Variants in KCNK16 observed in about 807,000 individuals in gnomAD.
KCNK16 encodes potassium channel subfamily K member 16.
A neutral mutation model predicts 23.0 loss-of-function variants in KCNK16; 23 were observed. That is an observed-to-expected ratio of 1.00 (90% CI 0.72 to 1.41). The LOEUF is 1.41. Among genes scored for constraint, KCNK16 ranks in the 40% most tolerant of loss-of-function variants. The pLI, the probability that KCNK16 is intolerant of heterozygous loss-of-function variation, is 0.00. For synonymous variants in KCNK16, 145 were observed against 153.5 expected, an observed-to-expected ratio of 0.94 and a Z score of 0.41; for missense variants, 327 against 365.8, an observed-to-expected ratio of 0.89 and a Z score of 0.87.
rs1762429512 is a variant in KCNK16, at chr6:39,319,199, A to G, written c.214-66T>C. Reference sequence around the variant, plus strand: ...TGGTTACTGGGCACCAGTTGTTGCCATGCTTTTGGCAGCATGCTTTTGTGT... The same window carrying G: ...TGGTTACTGGGCACCAGTTGTTGCCGTGCTTTTGGCAGCATGCTTTTGTGT... On this transcript the variant is annotated intron_variant, in intron 1 of 4. Coordinates refer to ENST00000437525, the MANE Select transcript of KCNK16 (RefSeq NM_001135106.2). This position sits in a 1 kb window ranked among gnomAD's most constrained non-coding sequence, Gnocchi z 4.2. 1.1e-6 allele frequency: 1 copy of G among 898,150 alleles called. No homozygotes were observed. The highest frequency in any genetic ancestry group is 1.9e-6 in the Non-Finnish European group (1 of 533,220). The allele number at this position is 898,150 out of a possible 1,614,324, so 55.6% of individuals were successfully genotyped here. A position where few individuals can be genotyped will look rare whatever the true frequency, so the allele number is the denominator to read the frequency against.
In KCNK16 at chr6:39,316,250, G is replaced by C. The variant is rs1762305443; in HGVS notation, c.854C>G (p.Pro285Arg). Residue 285 changes from proline (P) to arginine (R), a missense_variant, in exon 5 of 5, where the codon CCC (proline) becomes CGC (arginine). Pro to Arg is a moderately radical substitution (Grantham distance 103). Coordinates refer to ENST00000437525, the MANE Select transcript of KCNK16 (RefSeq NM_001135106.2). ...DGAASDPSGL[P>R]RPQKIPISA is the part of the protein sequence containing the mutation. The stretch of plus-strand genomic sequence containing the variant: ...AGAGATGGGGATCTTCTGAGGCCTG[G>C]GGAGCCCACTGGGGTCAGAGGCTGC... 1 of 1,565,014 alleles carries C rather than the reference G, an allele frequency of 6.4e-7. No homozygotes were observed. Among genetic ancestry groups the C allele is most frequent in the Admixed American group, 1.9e-5 (1 of 52,408 alleles).
chr6:39,317,009 G>C lies in KCNK16; in HGVS notation c.496-62C>G, dbSNP rs1482616896. ...AAGTCTCCAGGATTGTATGAGGTTG[G>C]GGGGAGTCTGGGGTAAACATGGGAA... On this transcript the variant is annotated intron_variant, in intron 3 of 4. Coordinates refer to ENST00000437525, the MANE Select transcript of KCNK16 (RefSeq NM_001135106.2). 4.6e-6 allele frequency: 7 copies of C among 1,508,242 alleles called. No individual in the cohort carries two copies. The East Asian group carries it at 6.8e-5, about 15-fold the overall frequency. 93.4% of individuals were successfully genotyped at this position (1,508,242 alleles called of 1,614,324 possible).
Position 39,317,880 on chromosome 6 carries a change from G to A in KCNK16, c.401C>T (p.Pro134Leu), listed in dbSNP as rs746348417. 6.2e-6 allele frequency: 10 copies of A among 1,613,772 alleles called. No homozygotes were observed. Among genetic ancestry groups the A allele is most frequent in the South Asian group, 5.5e-5 (5 of 91,020 alleles). Residue 134 changes from proline (P) to leucine (L), a missense_variant, in exon 3 of 5, where the codon CCG becomes CTG. Physicochemically the swap from Pro to Leu is moderately conservative, Grantham distance 98. Coordinates refer to ENST00000437525, the MANE Select transcript of KCNK16 (RefSeq NM_001135106.2). ...GTGGTTGAGGAAGATCACGTTAAGC[G>A]GGATGCCCAACAGGGCATAGAAGAC... is the stretch of plus-strand genomic sequence containing the variant. ...FCVFYALLGI[P>L]LNVIFLNHLG...
intron 3 of KCNK16, 123 bp downstream of exon 3, chr6:39,317,663 T>G: frequency 9.0e-7 from 1 of 1,115,502 alleles, no homozygotes; most frequent in Non-Finnish European, 1.2e-6. Flanking sequence ...TCACCCTTCC[T>G]CTTTCACAGG....
chr6:39,320,085 G>A (rs578021608), intron 1 of KCNK16, among the ~76,000 whole-genome samples: 15 of 152,236 alleles, frequency 9.9e-5, no homozygotes, highest in African/African-American at 3.6e-4. Context: ...AGGAAGCCAG[G>A]GACACAACAG....
rs61751240 is a variant in KCNK16, at chr6:39,319,044, A to G, written c.303T>C (p.Phe101=). 43,898 of 1,613,330 alleles carry G rather than the reference A, an allele frequency of 0.027. 696 individuals carry two copies. Among genetic ancestry groups the G allele is most frequent in the Non-Finnish European group, 0.028 (33,123 of 1,179,304 alleles). ...CTATGGTAGTGACGACTGTGCCTGCAAAGAAGAAACTGCTGCCAAAGTCCC... is the reference window on the plus strand; with the variant it reads ...CTATGGTAGTGACGACTGTGCCTGCGAAGAAGAAACTGCTGCCAAAGTCCC... ...SNWDFGSSFF[F]AGTVVTTIGY... Residue 101 remains phenylalanine, a synonymous_variant, in exon 2 of 5, where the codon TTT becomes TTC. Transcript: ENST00000437525. This position sits in a 1 kb window ranked among gnomAD's most constrained non-coding sequence, Gnocchi z 4.2.
At chr6:39,317,681 C>A in intron 3 of KCNK16, 105 bp downstream of exon 3, 1 of 1,287,820 alleles carries the variant, frequency 7.8e-7, no homozygotes, top group Non-Finnish European at 1.1e-6. Context: ...AGGCATCTAC[C>A]CCTAACACCA....
At chr6:39,320,138 G>C (rs1301637823) in intron 1 of KCNK16, among the ~76,000 whole-genome samples, 1 of 152,174 alleles carries the variant, frequency 6.6e-6, no homozygotes, top group Non-Finnish European at 1.5e-5. Context: ...CCGCTGGCTG[G>C]GTGGGTGTGC....
At chr6:39,318,923 C>T in intron 2 of KCNK16, 96 bp downstream of exon 2, 1 of 836,450 alleles carries the variant, frequency 1.2e-6, no homozygotes, top group South Asian at 1.4e-5. Flanking sequence ...GAATAATCTC[C>T]TAGACAAACC....
intron 1 of KCNK16, among the ~76,000 whole-genome samples, chr6:39,320,055 C>T (rs1364881669): frequency 3.9e-5 from 6 of 152,120 alleles, no homozygotes; most frequent in East Asian, 1.9e-4. Flanking sequence ...GCCTTGCCAC[C>T]GAAGAGCCCC....
chr6:39,322,721 T>A, upstream of KCNK16: 1 of 975,050 alleles, frequency 1.0e-6, no homozygotes, highest in Non-Finnish European at 1.5e-6. Context: ...TTGGCTGCAC[T>A]AAGTGCTATG....
In KCNK16 at chr6:39,317,811, C is replaced by A. The variant is rs1211475035; in HGVS notation, c.470G>T (p.Trp157Leu). The A allele has an allele frequency of 6.2e-7, 1 of 1,608,986 alleles. No individual in the cohort carries two copies. The highest frequency in any genetic ancestry group is 1.7e-5 in the Admixed American group (1 of 59,040). Reference sequence around the variant, plus strand: ...CTGGGAGCGCCTGGGACGGTCCTCCCATCTTTCAATGGCGGCCAGATGGGC... The same window carrying A: ...CTGGGAGCGCCTGGGACGGTCCTCCAATCTTTCAATGGCGGCCAGATGGGC... ...LRAHLAAIER[W>L]EDRPRRSQVL... Residue 157 changes from tryptophan to leucine, a missense_variant, in exon 3 of 5, where the codon TGG becomes TTG. By Grantham distance (61) the Trp-to-Leu change is moderately conservative. Transcript: ENST00000437525.
At chr6:39,318,512 T>C (rs1762405703) in intron 2 of KCNK16, among the ~76,000 whole-genome samples, 1 of 152,156 alleles carries the variant, frequency 6.6e-6, no homozygotes, top group South Asian at 2.1e-4. Flanking sequence ...CTGCTGTCAG[T>C]GCCCTGTTCC....
intron 1 of KCNK16, among the ~76,000 whole-genome samples, chr6:39,321,161 G>A (rs1762503304): frequency 6.6e-6 from 1 of 152,184 alleles, no homozygotes; most frequent in Non-Finnish European, 1.5e-5. Flanking sequence ...TCCTGAGTCG[G>A]CAGGTGCGGA....
chr6:39,317,820 A>T lies in KCNK16; in HGVS notation c.461T>A (p.Ile154Asn). The T allele has an allele frequency of 1.9e-6, 3 of 1,610,440 alleles. No individual in the cohort carries two copies. Among genetic ancestry groups the T allele is most frequent in the Non-Finnish European group, 2.5e-6 (3 of 1,178,518 alleles). Residue 154 changes from isoleucine (I) to asparagine (N), a missense_variant, in exon 3 of 5, where the codon ATT becomes AAT. Transcript: ENST00000437525. ...GTGLRAHLAA[I>N]ERWEDRPRRS... ...CCTGGGACGGTCCTCCCATCTTTCAATGGCGGCCAGATGGGCACGCAGCCC... is the reference window on the plus strand; with the variant it reads ...CCTGGGACGGTCCTCCCATCTTTCATTGGCGGCCAGATGGGCACGCAGCCC...
chr6:39,321,127 G>C (rs931016905), intron 1 of KCNK16, among the ~76,000 whole-genome samples: 3 of 152,154 alleles, frequency 2.0e-5, no homozygotes, highest in African/African-American at 7.2e-5. Context: ...TTGACACACA[G>C]CCTGCAGGAC....
chr6:39,318,954 G>T, intron 2 of KCNK16, 65 bp downstream of exon 2: 2 of 1,105,918 alleles, frequency 1.8e-6, no homozygotes, highest in Non-Finnish European at 2.8e-6. Flanking sequence ...CTCAGCATCT[G>T]CTTTTGGGGA....
At chr6:39,317,245 A>G (rs534004866) in intron 3 of KCNK16, among the ~76,000 whole-genome samples, 63 of 152,358 alleles carry the variant, frequency 4.1e-4, no homozygotes, top group African/African-American at 1.3e-3. Context: ...ACAGAAAAGT[A>G]TCATTGAACT....
In KCNK16 at chr6:39,322,426, C is replaced by T; in HGVS notation, c.115G>A (p.Ala39Thr). ...AACTGGTCCCTGGACTGAGCCTCCG[C>T]CTGCCTCTCTAGCAGCTGGAAGATA... is the stretch of plus-strand genomic sequence containing the variant. ...ATIFQLLERQ[A>T]EAQSRDQFQL... Residue 39 changes from alanine (A) to threonine (T), a missense_variant, in exon 1 of 5, where the codon GCG becomes ACG. Ala to Thr is a moderately conservative substitution (Grantham distance 58). Transcript: ENST00000437525. 6.2e-7 allele frequency: 1 copy of T among 1,614,210 alleles called. No individual in the cohort carries two copies. Among genetic ancestry groups the T allele is most frequent in the Non-Finnish European group, 8.5e-7 (1 of 1,180,030 alleles).
Sources: gnomAD v4.1 joint callset for allele counts (sites outside exome capture counted in the v4.1 genomes callset) on GRCh38, gnomAD v4.1.1 for gene constraint, Gnocchi (gnomAD v3.1) non-coding constraint, MANE v1.5 for transcripts, NCBI Gene and HGNC (gene_info 2026-07-23, HGNC 2026-07-21) for gene names.